MYO9B: variants seen among roughly 807,000 people sequenced by gnomAD.
MYO9B encodes the protein unconventional myosin-IXb.
MYO9B carries 71 observed loss-of-function variants against 229.5 expected under a neutral mutation model. That is an observed-to-expected ratio of 0.31 (90% CI 0.26 to 0.38). The LOEUF (loss-of-function observed/expected upper bound fraction) is 0.38, where lower values mean the gene tolerates loss of function less well. MYO9B is among the 10% of genes least tolerant of loss of function. The pLI, the probability that MYO9B is intolerant of heterozygous loss-of-function variation, is 1.00. For synonymous variants in MYO9B, 1,185 were observed against 1,235.8 expected, an observed-to-expected ratio of 0.96 and a Z score of 0.86; for missense variants, 2,255 against 2,920.5, an observed-to-expected ratio of 0.77 and a Z score of 5.25.
At chr19:17,173,407 C>A (rs2072748016) in intron 13 of MYO9B, among the ~76,000 whole-genome samples, 1 of 150,540 alleles carries the variant, frequency 6.6e-6, no homozygotes, top group Non-Finnish European at 1.5e-5. Context: ...TGGGTTCAAG[C>A]GATTCTCCTG....
chr19:17,102,155 G>A lies in MYO9B; in HGVS notation c.438G>A (p.Ala146=), dbSNP rs771806760. The change falls in exon 2 of 40, where the codon GCG becomes GCA. Residue 146 remains alanine (A), a synonymous_variant. Transcript: ENST00000682292. ...GTGGCCTCCTGCCACGGCAGCAGGC[G>A]GACTTTGATGACCTGTGTAACCTCC... ...VERGLLPRQQ[A]DFDDLCNLPE... is the part of the protein sequence containing the mutation. 30 of 1,613,636 alleles carry A rather than the reference G, an allele frequency of 1.9e-5. No individual in the cohort carries two copies. The highest frequency in any genetic ancestry group is 6.6e-5 in the South Asian group (6 of 91,090).
Position 17,175,752 on chromosome 19 carries a change from C to A in MYO9B, c.2219+11C>A, listed in dbSNP as rs1163537302. 3 of 1,565,260 alleles carry A rather than the reference C, an allele frequency of 1.9e-6. No homozygotes were observed. The highest frequency in any genetic ancestry group is 3.8e-5 in the Admixed American group (2 of 52,958). ...GGAAAAACTTTACCGGTGAGCAAGA[C>A]CCTGATTTGCCCAAACTGAAATCAT... On this transcript the variant is annotated intron_variant, in intron 14 of 39. Coordinates refer to ENST00000682292, the MANE Select transcript of MYO9B (RefSeq NM_004145.4).
intron 10 of MYO9B, among the ~76,000 whole-genome samples, chr19:17,166,282 A>T (rs568707464): frequency 1.3e-5 from 2 of 152,286 alleles, no homozygotes; most frequent in Admixed American, 1.3e-4. Flanking sequence ...ACTTCAGGTG[A>T]TCTGCCCACC....
intron 13 of MYO9B, among the ~76,000 whole-genome samples, chr19:17,175,018 G>A (rs183098029): frequency 9.9e-5 from 15 of 151,860 alleles, no homozygotes; most frequent in East Asian, 1.9e-4. Context: ...GGTGCACACC[G>A]GTAGTCCTAG....
At chr19:17,118,058 A>T (rs1363397110) in intron 2 of MYO9B, among the ~76,000 whole-genome samples, 1 of 151,762 alleles carries the variant, frequency 6.6e-6, no homozygotes, top group Non-Finnish European at 1.5e-5. Flanking sequence ...TGCTGGAGAC[A>T]TTTTTGGTTA....
intron 2 of MYO9B, among the ~76,000 whole-genome samples, chr19:17,114,161 T>C (rs2057876678): frequency 6.6e-6 from 1 of 152,230 alleles, no homozygotes; most frequent in Non-Finnish European, 1.5e-5. Context: ...AACTGCTGTT[T>C]TAGGCCAACT....
chr19:17,203,626 A>T (rs2073131073), intron 30 of MYO9B, among the ~76,000 whole-genome samples: 1 of 151,572 alleles, frequency 6.6e-6, no homozygotes. Flanking sequence ...AAAAAAAAAA[A>T]AAAGGTCTTC....
At chr19:17,205,052 G>A (rs1307403907) in intron 30 of MYO9B, among the ~76,000 whole-genome samples, 2 of 152,160 alleles carry the variant, frequency 1.3e-5, no homozygotes, top group East Asian at 1.9e-4. Flanking sequence ...TCGGGAGGCC[G>A]AGGCAGGAGA....
At chr19:17,176,073 A>C (rs2072785129) in intron 14 of MYO9B, among the ~76,000 whole-genome samples, 1 of 152,058 alleles carries the variant, frequency 6.6e-6, no homozygotes, top group Admixed American at 6.6e-5. Context: ...TCTGTTGCCC[A>C]GGCTGGAGTG....
rs559048512 is a variant in MYO9B, at chr19:17,212,259, G to A, written c.6423G>A (p.Ser2141=). ...CACCTGGGGCCAAGCGGAGGTACTC[G>A]GATCCCCCAACGTACTGCCTGCCCC... ...GQPPGAKRRY[S]DPPTYCLPPA... Residue 2141 remains serine (S), a synonymous_variant, in exon 40 of 40, where the codon TCG becomes TCA. Coordinates refer to ENST00000682292, the MANE Select transcript of MYO9B (RefSeq NM_004145.4). This position sits in a 1 kb window ranked among gnomAD's most constrained non-coding sequence, Gnocchi z 5.4. 3.7e-4 allele frequency: 579 copies of A among 1,573,578 alleles called. 7 individuals carry two copies. In the South Asian group the frequency reaches 5.5e-3, roughly 15 times the overall value.
chr19:17,211,671 G>T lies in MYO9B; in HGVS notation c.5955G>T (p.Pro1985=). The T allele has an allele frequency of 3.1e-6, 5 of 1,607,680 alleles. No individual in the cohort carries two copies. The highest frequency in any genetic ancestry group is 4.2e-6 in the Non-Finnish European group (5 of 1,177,570). ...GGGAGGACATCACCTACCGGCTGCCGGAGCTGGACCCAAGGGGCTCGGACG... is the reference window on the plus strand; with the variant it reads ...GGGAGGACATCACCTACCGGCTGCCTGAGCTGGACCCAAGGGGCTCGGACG... ...EEKEDITYRL[P]ELDPRGSDEE... Residue 1985 remains proline (P), a synonymous_variant, in exon 39 of 40, where the codon CCG becomes CCT. Transcript: ENST00000682292.
chr19:17,207,310 C>T (rs2073173757), intron 35 of MYO9B, 66 bp downstream of exon 35: 2 of 1,541,878 alleles, frequency 1.3e-6, no homozygotes, highest in African/African-American at 1.4e-5. Flanking sequence ...ACGACAGCTC[C>T]ATCCATCCCT....
intron 6 of MYO9B, among the ~76,000 whole-genome samples, chr19:17,155,828 G>A (rs8104398): frequency 6.6e-6 from 1 of 152,050 alleles, no homozygotes; most frequent in East Asian, 1.9e-4. Context: ...AGGCCAGGCT[G>A]GGCAACATGG....
chr19:17,089,653 T>C (rs2057617969), intron 1 of MYO9B, among the ~76,000 whole-genome samples: 1 of 152,084 alleles, frequency 6.6e-6, no homozygotes, highest in Non-Finnish European at 1.5e-5. Context: ...CTCCTTTCTA[T>C]GAGAACACAA....
chr19:17,201,283 CTG>C (rs2073104011), intron 26 of MYO9B, among the ~76,000 whole-genome samples: 1 of 150,728 alleles, frequency 6.6e-6, no homozygotes, highest in Non-Finnish European at 1.5e-5. Flanking sequence ...TGATGAAGCA[CTG>C]TGTGCAACAG....
rs563984532 is a variant in MYO9B, at chr19:17,182,362, A to C, written c.2333+1322A>C. On this transcript the variant is annotated intron_variant, in intron 15 of 39. Transcript: ENST00000682292. The stretch of plus-strand genomic sequence containing the variant: ...CTCAGCCTCTCAAAGCACTGGGATT[A>C]CAGGCATGAGCCACCGCACCCAGTG... Among the ~76,000 whole-genome samples, 155 of 152,150 alleles carry C rather than the reference A, an allele frequency of 1.0e-3. 1 individual carries two copies. The highest frequency in any genetic ancestry group is 3.6e-3 in the African/African-American group (150 of 41,512).
At chr19:17,109,580 A>T (rs1372796700) in intron 2 of MYO9B, among the ~76,000 whole-genome samples, 1 of 152,152 alleles carries the variant, frequency 6.6e-6, no homozygotes, top group Admixed American at 6.5e-5. Flanking sequence ...GCAGGGGTTG[A>T]TTCTCTCACA....
chr19:17,113,338 G>A lies in MYO9B; in HGVS notation c.840+10781G>A, dbSNP rs115127247. Among the ~76,000 whole-genome samples, 905 of 152,258 alleles carry A rather than the reference G, an allele frequency of 5.9e-3. 17 individuals are homozygous for A. Among genetic ancestry groups the A allele is most frequent in the African/African-American group, 0.021 (872 of 41,544 alleles). On this transcript the variant is annotated intron_variant, in intron 2 of 39. Transcript: ENST00000682292. ...GCCAGCGTGTCCAGGGCCGGGTTGG[G>A]GAAGCAGGGCCAGGGTCATTGGGTG...
At chr19:17,154,478 C>G in intron 6 of MYO9B, 63 bp downstream of exon 6, 1 of 1,299,430 alleles carries the variant, frequency 7.7e-7, no homozygotes, top group Non-Finnish European at 1.1e-6. Flanking sequence ...ATGGCCCTTA[C>G]CAGTCACTCT....
Sources: allele counts gnomAD v4.1 joint callset (sites outside exome capture counted in the v4.1 genomes callset), GRCh38; gene constraint gnomAD v4.1.1; non-coding constraint Gnocchi (gnomAD v3.1); transcripts MANE v1.5; gene names NCBI Gene and HGNC (gene_info 2026-07-23, HGNC 2026-07-21).